Variants in SYN2 observed in about 807,000 individuals in gnomAD.
SYN2 encodes the protein synapsin II, also known as synapsin-2.
In SYN2, 19 loss-of-function variants were observed where a neutral mutation model predicts 50.9. That is an observed-to-expected ratio of 0.37 (90% CI 0.26 to 0.55). The LOEUF is 0.55. Among genes scored for constraint, SYN2 ranks in the 20% least tolerant of loss-of-function variants. SYN2 has a pLI of 0.81. For missense variants in SYN2, 587 were observed against 576.4 expected (o/e 1.02, Z -0.19); for synonymous variants, 255 against 224.9 (o/e 1.13, Z -1.20).
intron 1 of SYN2, among the ~76,000 whole-genome samples, chr3:12,074,211 A>G (rs773389921): frequency 4.6e-5 from 7 of 152,076 alleles, no homozygotes; most frequent in Non-Finnish European, 8.8e-5. Context: ...CAGCCTTTCT[A>G]TGTTTATGTA....
intron 11 of SYN2, among the ~76,000 whole-genome samples, chr3:12,186,352 T>C (rs1006281504): frequency 6.6e-6 from 1 of 152,222 alleles, no homozygotes. Flanking sequence ...CTAGGCAATC[T>C]GGTACCACCT....
At position 12,053,635 on chromosome 3, in the gene SYN2, C is replaced by A. The variant is rs556459298; in HGVS notation, c.377+48707C>A. Among the ~76,000 whole-genome samples, 4 of 152,054 alleles carry A rather than the reference C, an allele frequency of 2.6e-5. No individual in the cohort carries two copies. The South Asian group carries it at 8.3e-4, about 32-fold the overall frequency. On this transcript the variant is annotated intron_variant, in intron 1 of 12. Coordinates refer to ENST00000621198, the MANE Select transcript of SYN2 (RefSeq NM_133625.6). Reference sequence around the variant, plus strand: ...TCTTTCTGCAGAGCTAGGTGGCATACTTACTATGATTACAATGTTTACCAT... The same window carrying A: ...TCTTTCTGCAGAGCTAGGTGGCATAATTACTATGATTACAATGTTTACCAT...
intron 7 of SYN2, among the ~76,000 whole-genome samples, chr3:12,166,471 A>T (rs939037455): frequency 1.3e-5 from 2 of 152,250 alleles, no homozygotes; most frequent in African/African-American, 4.8e-5. Context: ...CAAATCCAGA[A>T]CCAGAAACCA....
intron 1 of SYN2, among the ~76,000 whole-genome samples, chr3:12,119,006 C>T (rs1346794285): frequency 6.6e-6 from 1 of 152,148 alleles, no homozygotes; most frequent in Admixed American, 6.5e-5. Flanking sequence ...CCCCTCACAT[C>T]TCACATCTCA....
chr3:12,171,570 G>C (rs916739069), intron 10 of SYN2, among the ~76,000 whole-genome samples: 30 of 152,288 alleles, frequency 2.0e-4, no homozygotes, highest in African/African-American at 7.2e-4. Context: ...GGGCCCTTAA[G>C]TACTTATAAA....
At chr3:12,132,632 C>A (rs1696819249) in intron 1 of SYN2, among the ~76,000 whole-genome samples, 1 of 152,050 alleles carries the variant, frequency 6.6e-6, no homozygotes, top group Non-Finnish European at 1.5e-5. Context: ...TCATTTTGTT[C>A]TGTTTTTCTC....
At chr3:12,152,827 G>A (rs1277099184) in intron 5 of SYN2, among the ~76,000 whole-genome samples, 1 of 152,186 alleles carries the variant, frequency 6.6e-6, no homozygotes, top group East Asian at 1.9e-4. Context: ...ACTTGGAGAG[G>A]TAGTACCTAT....
chr3:12,017,093 T>TGG (rs1212117043), intron 1 of SYN2, among the ~76,000 whole-genome samples: 3 of 151,922 alleles, frequency 2.0e-5, no homozygotes, highest in Non-Finnish European at 4.4e-5. Context: ...ATTAGTGAGG[T>TGG]GGGAGAGAGG....
At chr3:12,155,565 G>C (rs1394432290) in intron 5 of SYN2, among the ~76,000 whole-genome samples, 1 of 152,174 alleles carries the variant, frequency 6.6e-6, no homozygotes, top group African/African-American at 2.4e-5. Flanking sequence ...GGGAAAGTGA[G>C]GGGCTGGGAA....
chr3:12,133,300 C>A (rs1423133211), intron 1 of SYN2, among the ~76,000 whole-genome samples: 1 of 152,120 alleles, frequency 6.6e-6, no homozygotes, highest in Non-Finnish European at 1.5e-5. Context: ...TTATTCTGAA[C>A]CAAACCAATG....
chr3:12,154,592 C>G, intron 5 of SYN2: 1 of 814,712 alleles, frequency 1.2e-6, no homozygotes, highest in Non-Finnish European at 1.9e-6. Flanking sequence ...GTGAAGGGAC[C>G]AATAAATAAA....
intron 1 of SYN2, among the ~76,000 whole-genome samples, chr3:12,094,064 A>T (rs981323821): frequency 2.6e-5 from 4 of 152,256 alleles, no homozygotes; most frequent in African/African-American, 9.6e-5. Context: ...CATGTTGGCC[A>T]GGCTGGTCTT....
At chr3:12,127,706 TC>T (rs1696701688) in intron 1 of SYN2, among the ~76,000 whole-genome samples, 2 of 152,218 alleles carry the variant, frequency 1.3e-5, no homozygotes, top group Non-Finnish European at 2.9e-5. Flanking sequence ...TGAGGATGTT[TC>T]TGCTGCGCCA....
intron 1 of SYN2, among the ~76,000 whole-genome samples, chr3:12,083,881 T>C (rs1574930649): frequency 6.6e-6 from 1 of 152,200 alleles, no homozygotes. Flanking sequence ...GCCAGCACTC[T>C]ACCAAGTAAG....
intron 1 of SYN2, among the ~76,000 whole-genome samples, chr3:12,033,101 A>G (rs1233673839): frequency 6.6e-6 from 1 of 151,302 alleles, no homozygotes; most frequent in African/African-American, 2.4e-5. Flanking sequence ...CTTCTAACAG[A>G]CAGGACCCTC....
At chr3:12,079,504 AACGTGAAGGTATG>A (rs1695542739) in intron 1 of SYN2, among the ~76,000 whole-genome samples, 1 of 152,192 alleles carries the variant, frequency 6.6e-6, no homozygotes, top group African/African-American at 2.4e-5. Context: ...GAGAGTTTTT[AACGTGAAGGTATG>A]TTGAATGTTA....
chr3:12,183,994 C>G (rs1698285448), intron 11 of SYN2: 1 of 986,306 alleles, frequency 1.0e-6, no homozygotes, highest in Non-Finnish European at 1.2e-6. Flanking sequence ...ATCAAACTTC[C>G]ATAGCTTCAT....
Position 12,190,670 on chromosome 3 carries a change from T to C in SYN2, c.*45T>C. On this transcript the variant is annotated 3_prime_UTR_variant, in exon 13 of 13. Coordinates refer to ENST00000621198, the MANE Select transcript of SYN2 (RefSeq NM_133625.6). ...ACCCAGCCCAACCGGGAAAGGCATCTAAGACATTCACCAACAACAGTCAGC... is the reference window on the plus strand; with the variant it reads ...ACCCAGCCCAACCGGGAAAGGCATCCAAGACATTCACCAACAACAGTCAGC... 6.3e-7 allele frequency: 1 copy of C among 1,597,940 alleles called. No individual in the cohort carries two copies. Among genetic ancestry groups the C allele is most frequent in the East Asian group, 2.2e-5 (1 of 44,678 alleles).
chr3:12,173,996 G>A (rs1402619015), intron 10 of SYN2, among the ~76,000 whole-genome samples: 17 of 152,126 alleles, frequency 1.1e-4, no homozygotes, highest in Non-Finnish European at 1.8e-4. Context: ...TGACACAGCT[G>A]ACTACTCCCT....
Sources: allele counts gnomAD v4.1 joint callset (sites outside exome capture counted in the v4.1 genomes callset), GRCh38; gene constraint gnomAD v4.1.1; transcripts MANE v1.5; gene names NCBI Gene and HGNC (gene_info 2026-07-23, HGNC 2026-07-21).